CHRM3: variants seen among roughly 807,000 people sequenced by gnomAD.
CHRM3 encodes muscarinic acetylcholine receptor M3.
In CHRM3, 11 loss-of-function variants were observed where a neutral mutation model predicts 41.8. The ratio of observed to expected loss-of-function variants is 0.26; its 90% CI spans 0.17 to 0.44. The LOEUF (loss-of-function observed/expected upper bound fraction) is 0.44. Among genes scored for constraint, CHRM3 ranks in the 20% least tolerant of loss-of-function variants. The pLI is 1.00. For missense variants in CHRM3, 571 were observed against 745.4 expected (o/e 0.77, Z 2.72); for synonymous variants, 297 against 301.4 (o/e 0.99, Z 0.15).
intron 6 of CHRM3, among the ~76,000 whole-genome samples, chr1:239,868,730 T>C (rs1248968309): frequency 2.6e-5 from 4 of 152,130 alleles, no homozygotes. Flanking sequence ...AGGACCCTGA[T>C]CCTTCAGTCC....
chr1:239,904,517 T>C (rs1388527742), intron 6 of CHRM3, among the ~76,000 whole-genome samples: 2 of 152,146 alleles, frequency 1.3e-5, no homozygotes, highest in African/African-American at 2.4e-5. Flanking sequence ...AACTGGTATC[T>C]GGATGGGGGG....
At chr1:239,850,605 C>A (rs778647041) in intron 6 of CHRM3, among the ~76,000 whole-genome samples, 1 of 152,168 alleles carries the variant, frequency 6.6e-6, no homozygotes, top group Non-Finnish European at 1.5e-5. Context: ...TGTCTCCCCA[C>A]CCAAATCTCA....
intron 2 of CHRM3, among the ~76,000 whole-genome samples, chr1:239,537,201 C>A (rs980684850): frequency 6.6e-6 from 1 of 152,110 alleles, no homozygotes; most frequent in Non-Finnish European, 1.5e-5. Flanking sequence ...AATGGTACAT[C>A]GTCCTGTGTT....
chr1:239,485,870 T>C (rs1342594984), intron 1 of CHRM3, among the ~76,000 whole-genome samples: 1 of 152,218 alleles, frequency 6.6e-6, no homozygotes. Context: ...GCCATACTCC[T>C]TGCAATGTTA....
intron 1 of CHRM3, among the ~76,000 whole-genome samples, chr1:239,477,584 A>C (rs888952412): frequency 6.6e-6 from 1 of 152,188 alleles, no homozygotes; most frequent in African/African-American, 2.4e-5. Context: ...AAATATCTAC[A>C]TGACAGCTCA....
chr1:239,765,723 A>C (rs1363258549), intron 5 of CHRM3, among the ~76,000 whole-genome samples: 1 of 152,172 alleles, frequency 6.6e-6, no homozygotes, highest in Non-Finnish European at 1.5e-5. Context: ...AGCAGTCAGT[A>C]TATTCAGCAA....
chr1:239,834,698 G>T (rs542477280), intron 6 of CHRM3, among the ~76,000 whole-genome samples: 2 of 151,940 alleles, frequency 1.3e-5, no homozygotes, highest in African/African-American at 2.4e-5. Flanking sequence ...ATGCCTCCTC[G>T]CTCAGACCTA....
At chr1:239,612,817 A>G (rs555570022) in intron 3 of CHRM3, among the ~76,000 whole-genome samples, 1 of 152,300 alleles carries the variant, frequency 6.6e-6, no homozygotes, top group South Asian at 2.1e-4. Flanking sequence ...CAGGAGCTCC[A>G]GCTCTGGAGC....
At chr1:239,772,275 C>T (rs554890453) in intron 5 of CHRM3, among the ~76,000 whole-genome samples, 5 of 152,150 alleles carry the variant, frequency 3.3e-5, no homozygotes, top group African/African-American at 1.2e-4. Flanking sequence ...CTCAGCCTCC[C>T]GAGTAGCTAG....
chr1:239,652,853 C>T (rs1672362586), intron 4 of CHRM3, among the ~76,000 whole-genome samples: 1 of 152,118 alleles, frequency 6.6e-6, no homozygotes, highest in African/African-American at 2.4e-5. Context: ...GTCCATAAGA[C>T]AGTATTATGT....
At chr1:239,867,416 G>A (rs1266913081) in intron 6 of CHRM3, among the ~76,000 whole-genome samples, 5 of 152,136 alleles carry the variant, frequency 3.3e-5, no homozygotes, top group African/African-American at 7.2e-5. Flanking sequence ...GGCTGGGCCC[G>A]GTGGCTCACG....
At chr1:239,651,634 T>A (rs1163004328) in intron 4 of CHRM3, among the ~76,000 whole-genome samples, 1 of 151,490 alleles carries the variant, frequency 6.6e-6, no homozygotes, top group East Asian at 1.9e-4. Context: ...CTGAGGGGAG[T>A]GTAGAGAAGT....
At chr1:239,690,118 C>T (rs1659571668) in intron 5 of CHRM3, among the ~76,000 whole-genome samples, 1 of 152,092 alleles carries the variant, frequency 6.6e-6, no homozygotes, top group African/African-American at 2.4e-5. Flanking sequence ...GCAATACATT[C>T]TCCTTCTGCC....
At chr1:239,641,492 T>A in intron 4 of CHRM3, among the ~76,000 whole-genome samples, 19 of 138,526 alleles carry the variant, frequency 1.4e-4, no homozygotes, top group South Asian at 2.4e-4. Flanking sequence ...GCTCTTCTTG[T>A]TGAATTGATC....
intron 4 of CHRM3, among the ~76,000 whole-genome samples, chr1:239,652,332 T>G (rs2148972863): frequency 6.6e-6 from 1 of 152,286 alleles, no homozygotes; most frequent in South Asian, 2.1e-4. Context: ...AATGTGGGCC[T>G]TAAAGCACAT....
At chr1:239,528,355 CA>C (rs1670143419) in intron 2 of CHRM3, among the ~76,000 whole-genome samples, 1 of 152,166 alleles carries the variant, frequency 6.6e-6, no homozygotes, top group Non-Finnish European at 1.5e-5. Flanking sequence ...TCTCTTCTGA[CA>C]AGAGGATAAA....
intron 5 of CHRM3, among the ~76,000 whole-genome samples, chr1:239,816,035 TG>T (rs1003456712): frequency 2.6e-5 from 4 of 152,114 alleles, no homozygotes; most frequent in South Asian, 2.1e-4. Context: ...TTTCTCATTC[TG>T]GGGGGGAAAA....
At chr1:239,673,148 C>CT (rs1018801755) in intron 4 of CHRM3, among the ~76,000 whole-genome samples, 3 of 152,102 alleles carry the variant, frequency 2.0e-5, no homozygotes, top group African/African-American at 7.2e-5. Flanking sequence ...GGGCCATGGC[C>CT]TGATGCCTTC....
At chr1:239,869,772 A>G (rs966328708) in intron 6 of CHRM3, among the ~76,000 whole-genome samples, 2 of 152,122 alleles carry the variant, frequency 1.3e-5, no homozygotes, top group Non-Finnish European at 2.9e-5. Flanking sequence ...CTGTAGGGAG[A>G]AGCTGCGTCT....
Sources: gnomAD v4.1 joint callset for allele counts (sites outside exome capture counted in the v4.1 genomes callset) on GRCh38, gnomAD v4.1.1 for gene constraint, MANE v1.5 for transcripts, NCBI Gene and HGNC (gene_info 2026-07-23, HGNC 2026-07-21) for gene names.